Variants in TUBB8 observed in about 807,000 individuals in gnomAD.
TUBB8 encodes the protein tubulin beta-8 chain.
TUBB8 carries 25 observed loss-of-function variants against 33.7 expected under a neutral mutation model. That is an observed-to-expected ratio of 0.74 (90% CI 0.54 to 1.04). The LOEUF (loss-of-function observed/expected upper bound fraction) is 1.04. Ranked by LOEUF, TUBB8 falls within the 50% of genes least tolerant of loss-of-function variation. The probability of loss-of-function intolerance (pLI) is 0.00; values close to 1 mark genes in which losing one functional copy is unlikely to be tolerated. For synonymous variants in TUBB8, 245 were observed against 240.1 expected, an observed-to-expected ratio of 1.02 and a Z score of -0.19; for missense variants, 279 against 608.0, an observed-to-expected ratio of 0.46 and a Z score of 5.69.
chr10:69,662 T>C (rs1834711866), intron 1 of TUBB8, among the ~76,000 whole-genome samples: 2 of 152,254 alleles, frequency 1.3e-5, no homozygotes, highest in South Asian at 2.1e-4. Flanking sequence ...TGGTGGCTCA[T>C]GCTTGTAATC....
chr10:67,626 G>A (rs1374711479), intron 1 of TUBB8, among the ~76,000 whole-genome samples: 4 of 152,110 alleles, frequency 2.6e-5, no homozygotes, highest in South Asian at 2.1e-4. Context: ...GGGTTTCACC[G>A]TGTTAGCCAG....
chr10:52,086 G>C (rs145737848), upstream of TUBB8, among the ~76,000 whole-genome samples: 4 of 132,858 alleles, frequency 3.0e-5, no homozygotes, highest in African/African-American at 1.2e-4. Flanking sequence ...TCTTCTCAAT[G>C]TTCCCCAGGG....
intron 1 of TUBB8, among the ~76,000 whole-genome samples, chr10:60,193 T>C (rs1276241904): frequency 5.9e-5 from 9 of 152,118 alleles, no homozygotes; most frequent in South Asian, 2.1e-4. Context: ...AGATGTATTG[T>C]TAGGTTATTT....
chr10:68,106 C>T (rs1834693985), intron 1 of TUBB8, among the ~76,000 whole-genome samples: 1 of 152,176 alleles, frequency 6.6e-6, no homozygotes, highest in African/African-American at 2.4e-5. Flanking sequence ...TGTTAAAGCA[C>T]TATGTGTGGG....
chr10:51,693 G>A (rs547979295), upstream of TUBB8, among the ~76,000 whole-genome samples: 3 of 151,384 alleles, frequency 2.0e-5, no homozygotes, highest in African/African-American at 7.3e-5. Flanking sequence ...CTGGAGGGTC[G>A]GTCTAGCAAT....
upstream of TUBB8, among the ~76,000 whole-genome samples, chr10:51,780 G>C (rs1301486369): frequency 1.3e-5 from 2 of 152,172 alleles, no homozygotes; most frequent in African/African-American, 4.8e-5. Context: ...TTCCCTTGGT[G>C]TGGGGTCAAA....
intron 1 of TUBB8, among the ~76,000 whole-genome samples, chr10:68,977 A>G (rs1489987479): frequency 2.0e-5 from 3 of 152,228 alleles, no homozygotes; most frequent in Non-Finnish European, 4.4e-5. Flanking sequence ...GAGCAGATGC[A>G]GACCCTGCGT....
chr10:48,995 G>T (rs1458788107), intron 1 of TUBB8, 83 bp from the exon 2 acceptor site: 39 of 691,802 alleles, frequency 5.6e-5, no homozygotes, highest in African/African-American at 1.6e-4. Context: ...ACCCTCATCC[G>T]CACCCCCATC....
upstream of TUBB8, chr10:49,346 C>T (rs540586607): frequency 5.9e-5 from 68 of 1,157,480 alleles, no homozygotes; most frequent in African/African-American, 8.1e-4. Flanking sequence ...GCCCACCTCC[C>T]TCCGCCTCGG....
intron 1 of TUBB8, among the ~76,000 whole-genome samples, chr10:73,153 A>G (rs781916088): frequency 1.2e-4 from 17 of 146,664 alleles, no homozygotes; most frequent in Admixed American, 3.4e-4. Context: ...CAAAAGAAAA[A>G]CTGTTGTTGA....
upstream of TUBB8, chr10:74,236 ATC>A (rs1203514972): frequency 1.3e-5 from 2 of 151,178 alleles, no homozygotes; most frequent in African/African-American, 4.8e-5. Flanking sequence ...GCTCTGGGGA[ATC>A]TCTGGAAATC....
At chr10:54,798 A>T (rs1588275720) in intron 1 of TUBB8, among the ~76,000 whole-genome samples, 1 of 152,140 alleles carries the variant, frequency 6.6e-6, no homozygotes, top group Non-Finnish European at 1.5e-5. Flanking sequence ...TTGCTCTGTC[A>T]CCCAGGCTGG....
At chr10:49,401 C>T (rs797030804), upstream of TUBB8, 9 of 748,054 alleles carry the variant, frequency 1.2e-5, no homozygotes, top group Admixed American at 2.0e-5. Flanking sequence ...CACACAGGTG[C>T]ACCCACCTGT....
chr10:57,452 C>T (rs1164145024), intron 1 of TUBB8, among the ~76,000 whole-genome samples: 1 of 152,248 alleles, frequency 6.6e-6, no homozygotes, highest in Non-Finnish European at 1.5e-5. Context: ...CTTCTGCCTG[C>T]ACACCCTGGC....
At chr10:69,341 C>A (rs1554742024) in intron 1 of TUBB8, among the ~76,000 whole-genome samples, 1 of 152,184 alleles carries the variant, frequency 6.6e-6, no homozygotes, top group Admixed American at 6.5e-5. Context: ...TTCCCTCAAG[C>A]CATTCACCCA....
intron 1 of TUBB8, among the ~76,000 whole-genome samples, chr10:72,684 C>A (rs1554742504): frequency 6.6e-6 from 1 of 152,086 alleles, no homozygotes; most frequent in African/African-American, 2.4e-5. Flanking sequence ...AACCCCATCT[C>A]TACTAAAAAT....
chr10:49,406 ACCTGTGGATC>A, upstream of TUBB8: 1 of 734,490 alleles, frequency 1.4e-6, no homozygotes, highest in Admixed American at 2.0e-5. Context: ...AGGTGCACCC[ACCTGTGGATC>A]CCCTGGCGCT....
At chr10:73,254 C>T (rs1554742601) in intron 1 of TUBB8, among the ~76,000 whole-genome samples, 1 of 152,182 alleles carries the variant, frequency 6.6e-6, no homozygotes, top group African/African-American at 2.4e-5. Flanking sequence ...GCTCTGTTGC[C>T]CAGGGCTTGA....
At position 49,019 on chromosome 10, in the gene TUBB8, G is replaced by A; in HGVS notation, c.58-107C>T. 11 of 1,098,198 alleles carry A rather than the reference G, an allele frequency of 1.0e-5. No homozygotes were observed. In the South Asian group the frequency reaches 1.3e-4, roughly 13 times the overall value. The allele number at this position is 1,098,198 out of a possible 1,614,324, so 68.0% of individuals were successfully genotyped here. A position where few individuals can be genotyped will look rare whatever the true frequency, so the allele number is the denominator to read the frequency against. ...CGCACCCCCATCCCTAGGCCGCCCT[G>A]TCCCTGGGGTCCACCCCGGCCGCCT... On this transcript the variant is annotated intron_variant, in intron 1 of 3. Coordinates refer to ENST00000568584, the MANE Select transcript of TUBB8 (RefSeq NM_177987.3).
Sources: allele counts gnomAD v4.1 joint callset (sites outside exome capture counted in the v4.1 genomes callset), GRCh38; gene constraint gnomAD v4.1.1; transcripts MANE v1.5; gene names NCBI Gene and HGNC (gene_info 2026-07-23, HGNC 2026-07-21).